Variants in MGAT5 observed in about 807,000 individuals in gnomAD.
MGAT5 encodes the protein alpha-1,6-mannosylglycoprotein 6-beta-N-acetylglucosaminyltransferase, also known as alpha-1,6-mannosylglycoprotein 6-beta-N-acetylglucosaminyltransferase A.
Under a neutral mutation model 94.3 loss-of-function variants are expected in MGAT5, and 30 were observed. That is an observed-to-expected ratio of 0.32 (90% CI 0.24 to 0.43). The LOEUF is 0.43. Ranked by LOEUF, MGAT5 falls within the 20% of genes least tolerant of loss-of-function variation. The probability of loss-of-function intolerance (pLI) is 1.00; values close to 1 mark genes in which losing one functional copy is unlikely to be tolerated. For synonymous variants in MGAT5, 310 were observed against 322.9 expected (o/e 0.96, Z 0.43); for missense variants, 691 against 905.5 (o/e 0.76, Z 3.04).
At position 134,243,838 on chromosome 2, in the gene MGAT5, G is replaced by A. The variant is rs946725611; in HGVS notation, c.-142-10424G>A. Among the ~76,000 whole-genome samples, 4 of 152,164 alleles carry A rather than the reference G, an allele frequency of 2.6e-5. No homozygotes were observed. In the South Asian group the frequency reaches 6.2e-4, roughly 24 times the overall value. ...CCAGTACCCAGCCGGTGCTCCTCCC[G>A]AGGTGGAGGAGAGGGGTACTAGGGG... On this transcript the variant is annotated intron_variant, in intron 1 of 16. Transcript: ENST00000409645.
rs1686266803 is a variant in MGAT5, at chr2:134,454,468, T to A, written c.*5621T>A. 1 of 152,256 alleles carries A rather than the reference T, an allele frequency of 6.6e-6. No homozygotes were observed. 9.4% of individuals were successfully genotyped at this position (152,256 alleles called of 1,614,324 possible). ...AGATCCTGGTTACAGCCATTTTGTGTGATTCACTTCGGGGGTTAAGTAATG... is the reference window on the plus strand; with the variant it reads ...AGATCCTGGTTACAGCCATTTTGTGAGATTCACTTCGGGGGTTAAGTAATG... On this transcript the variant is annotated 3_prime_UTR_variant, in exon 16 of 16. Transcript: ENST00000281923.
intron 8 of MGAT5, among the ~76,000 whole-genome samples, chr2:134,347,787 G>A (rs1490564649): frequency 1.3e-5 from 2 of 152,194 alleles, no homozygotes; most frequent in African/African-American, 4.8e-5. Flanking sequence ...TACCAAAGAT[G>A]GCTGTAGACT....
At chr2:134,434,814 A>C (rs1685080996) in intron 14 of MGAT5, among the ~76,000 whole-genome samples, 1 of 152,112 alleles carries the variant, frequency 6.6e-6, no homozygotes, top group Non-Finnish European at 1.5e-5. Context: ...CATTTGTTTC[A>C]TACTGTTCGG....
intron 10 of MGAT5, among the ~76,000 whole-genome samples, chr2:134,401,374 G>C (rs1683044972): frequency 6.6e-6 from 1 of 152,126 alleles, no homozygotes; most frequent in Non-Finnish European, 1.5e-5. Flanking sequence ...GTTCCCAAGA[G>C]AGCATCTGGT....
At chr2:134,341,780 T>G in intron 7 of MGAT5, 21 bp downstream of exon 7, 1 of 1,578,274 alleles carries the variant, frequency 6.3e-7, no homozygotes, top group Non-Finnish European at 8.6e-7. Flanking sequence ...TACTTTTCAA[T>G]TTTAAAATCA....
At chr2:134,183,261 A>G (rs1318029292) in intron 1 of MGAT5, among the ~76,000 whole-genome samples, 1 of 152,220 alleles carries the variant, frequency 6.6e-6, no homozygotes, top group East Asian at 1.9e-4. Flanking sequence ...AAGGTAGTAA[A>G]ATTAATACGG....
chr2:134,428,250 C>T (rs1361796994), intron 13 of MGAT5, 115 bp from the exon 14 acceptor site: 4 of 879,264 alleles, frequency 4.5e-6, no homozygotes, highest in Non-Finnish European at 7.2e-6. Flanking sequence ...ATAGTCAACC[C>T]TCATGAGGCC....
intron 2 of MGAT5, among the ~76,000 whole-genome samples, chr2:134,297,909 T>C (rs1558769804): frequency 6.6e-6 from 1 of 152,114 alleles, no homozygotes; most frequent in African/African-American, 2.4e-5. Context: ...CAAATTTTTT[T>C]CTGATAAAAA....
At position 134,434,416 on chromosome 2, in the gene MGAT5, C is replaced by G. The variant is rs930534705; in HGVS notation, c.1869+5977C>G. On this transcript the variant is annotated intron_variant, in intron 14 of 15. Coordinates refer to ENST00000281923, the MANE Select transcript of MGAT5 (RefSeq NM_002410.5). ...AAGCACATTTAGAGAAATTTGGTGACTGGTTGAAATAATTGTTAGGGAAGG... is the reference window on the plus strand; with the variant it reads ...AAGCACATTTAGAGAAATTTGGTGAGTGGTTGAAATAATTGTTAGGGAAGG... Among the ~76,000 whole-genome samples the G allele has an allele frequency of 6.6e-5, 10 of 152,180 alleles. No homozygotes were observed. The East Asian group carries it at 1.7e-3, about 26-fold the overall frequency.
At chr2:134,446,068 C>T (rs569834524) in intron 15 of MGAT5, among the ~76,000 whole-genome samples, 7 of 152,218 alleles carry the variant, frequency 4.6e-5, no homozygotes, top group African/African-American at 7.2e-5. Context: ...ATTCCACAGC[C>T]GAATCCATCA....
chr2:134,389,139 C>T (rs1682235922), intron 10 of MGAT5, among the ~76,000 whole-genome samples: 1 of 152,124 alleles, frequency 6.6e-6, no homozygotes, highest in Admixed American at 6.5e-5. Flanking sequence ...CACATAATGT[C>T]CGGTTATCTT....
At chr2:134,154,715 A>G (rs1687394381) in intron 1 of MGAT5, among the ~76,000 whole-genome samples, 1 of 152,168 alleles carries the variant, frequency 6.6e-6, no homozygotes, top group Non-Finnish European at 1.5e-5. Flanking sequence ...TTACCAAGCC[A>G]TAGGTGGGAG....
intron 10 of MGAT5, among the ~76,000 whole-genome samples, chr2:134,381,327 T>C (rs551260952): frequency 3.5e-5 from 2 of 57,006 alleles, no homozygotes; most frequent in Non-Finnish European, 8.0e-5. Context: ...GCAAGACCTG[T>C]CTCATAGATA....
At chr2:134,217,238 G>GTGTGTGTGTGTGTGTGTGTGTGT (rs1553495170) in intron 1 of MGAT5, among the ~76,000 whole-genome samples, 2 of 145,114 alleles carry the variant, frequency 1.4e-5, no homozygotes, top group African/African-American at 5.2e-5. Flanking sequence ...GAGAGAGAGT[G>GTGTGTGTGTGTGTGTGTGTGTGT]GTGTGTGTGT....
rs1255861855 is a variant in MGAT5, at chr2:134,318,805, GA to G, written c.573+69del. The G allele has an allele frequency of 2.2e-5, 25 of 1,147,718 alleles. 1 individual carries two copies. Among genetic ancestry groups the G allele is most frequent in the Admixed American group, 2.1e-4 (11 of 52,194 alleles). The allele number at this position is 1,147,718 out of a possible 1,614,324, so 71.1% of individuals were successfully genotyped here. On this transcript the variant is annotated intron_variant, in intron 4 of 15. Coordinates refer to ENST00000281923, the MANE Select transcript of MGAT5 (RefSeq NM_002410.5). ...GTTGGACTGTTCTGTAGCTGAGTCTGAAATTTGAAAAGCTTGAAAACGTGTG... is the reference window on the plus strand; with the variant it reads ...GTTGGACTGTTCTGTAGCTGAGTCTGAATTTGAAAAGCTTGAAAACGTGTG...
chr2:134,298,207 T>C lies in MGAT5; in HGVS notation c.407-19322T>C, dbSNP rs190397213. Among the ~76,000 whole-genome samples the C allele has an allele frequency of 7.4e-3, 1,130 of 152,262 alleles. 17 individuals carry two copies. Among genetic ancestry groups the C allele is most frequent in the African/African-American group, 0.026 (1,069 of 41,550 alleles). On this transcript the variant is annotated intron_variant, in intron 2 of 15. Coordinates refer to ENST00000281923, the MANE Select transcript of MGAT5 (RefSeq NM_002410.5). ...GCCTCCTGGGTTCAAGCAATTCTCC[T>C]ACCTCAGCCTCCCAAGTAGCTGAGA...
intron 12 of MGAT5, among the ~76,000 whole-genome samples, chr2:134,414,521 G>A (rs937519314): frequency 2.0e-5 from 3 of 152,080 alleles, no homozygotes; most frequent in Non-Finnish European, 4.4e-5. Flanking sequence ...TGCTTAAGGT[G>A]TACACCTTGA....
At chr2:134,254,835 A>G (rs1051171827) in intron 1 of MGAT5, among the ~76,000 whole-genome samples, 191 bp downstream of exon 1, 1 of 152,192 alleles carries the variant, frequency 6.6e-6, no homozygotes, top group African/African-American at 2.4e-5. Flanking sequence ...GAGCTGGTGT[A>G]TGCAGACACA....
At chr2:134,191,081 G>T (rs947464770) in intron 1 of MGAT5, among the ~76,000 whole-genome samples, 3 of 152,158 alleles carry the variant, frequency 2.0e-5, no homozygotes, top group African/African-American at 7.2e-5. Context: ...GTCCCTCCCC[G>T]CCAGTCCCTG....
Sources: gnomAD v4.1 joint callset for allele counts (sites outside exome capture counted in the v4.1 genomes callset) on GRCh38, gnomAD v4.1.1 for gene constraint, MANE v1.5 for transcripts, NCBI Gene and HGNC (gene_info 2026-07-23, HGNC 2026-07-21) for gene names.